The following SPOCK3 variants were observed in gnomAD, a reference collection of about 807,000 sequenced individuals.
SPOCK3 encodes testican-3.
SPOCK3 carries 30 observed loss-of-function variants against 56.6 expected under a neutral mutation model. That is an observed-to-expected ratio of 0.53 (90% CI 0.40 to 0.72). SPOCK3 has a LOEUF of 0.72. Ranked by LOEUF, SPOCK3 falls within the 30% of genes least tolerant of loss-of-function variation. The probability of loss-of-function intolerance (pLI) is 0.00; values close to 1 mark genes in which losing one functional copy is unlikely to be tolerated. For missense variants in SPOCK3, 527 were observed against 530.0 expected, an observed-to-expected ratio of 0.99 and a Z score of 0.06; for synonymous variants, 196 against 183.3, an observed-to-expected ratio of 1.07 and a Z score of -0.56.
At chr4:166,983,056 T>C (rs1163272244) in intron 4 of SPOCK3, among the ~76,000 whole-genome samples, 2 of 152,176 alleles carry the variant, frequency 1.3e-5, no homozygotes, top group Non-Finnish European at 2.9e-5. Context: ...CTATATACTA[T>C]ATAAAATGTA....
At chr4:167,171,030 T>G (rs905377527) in intron 2 of SPOCK3, among the ~76,000 whole-genome samples, 2 of 152,000 alleles carry the variant, frequency 1.3e-5, no homozygotes, top group Non-Finnish European at 2.9e-5. Flanking sequence ...AAGCAGAAAT[T>G]ATCAAGAGGA....
chr4:166,967,837 C>G (rs968350164), intron 4 of SPOCK3, among the ~76,000 whole-genome samples: 4 of 152,094 alleles, frequency 2.6e-5, no homozygotes, highest in Non-Finnish European at 5.9e-5. Context: ...CAAAAAAAGA[C>G]AGAAAGGTGA....
chr4:167,153,598 T>C (rs1764583532), intron 2 of SPOCK3, among the ~76,000 whole-genome samples: 2 of 152,306 alleles, frequency 1.3e-5, no homozygotes, highest in East Asian at 1.9e-4. Context: ...TTTATTACCA[T>C]AGAAAGTTTT....
chr4:167,154,570 T>A (rs889471076), intron 2 of SPOCK3, among the ~76,000 whole-genome samples: 55 of 152,130 alleles, frequency 3.6e-4, no homozygotes, highest in African/African-American at 1.0e-3. Flanking sequence ...AGAAATTACC[T>A]CAATAGAAAT....
intron 2 of SPOCK3, among the ~76,000 whole-genome samples, chr4:167,164,015 A>T (rs1765544308): frequency 1.3e-5 from 2 of 152,082 alleles, no homozygotes. Context: ...TTATTTGAGG[A>T]CCTGGAATAA....
chr4:166,957,616 T>C (rs748352589), intron 4 of SPOCK3, among the ~76,000 whole-genome samples: 1 of 152,212 alleles, frequency 6.6e-6, no homozygotes, highest in Admixed American at 6.5e-5. Context: ...ATGCATCACT[T>C]ACTATAAGCT....
chr4:166,990,900 C>T (rs75457781), intron 4 of SPOCK3, among the ~76,000 whole-genome samples: 16,072 of 152,074 alleles, frequency 0.11, 1,121 homozygotes, highest in Middle Eastern at 0.22. Context: ...AAGAAATACT[C>T]ATTTAATGAA....
At chr4:167,044,405 T>C (rs2150207282) in intron 3 of SPOCK3, among the ~76,000 whole-genome samples, 1 of 148,646 alleles carries the variant, frequency 6.7e-6, no homozygotes, top group Admixed American at 6.8e-5. Flanking sequence ...TTGTTGTCTA[T>C]TGATTTCCTT....
chr4:167,184,000 A>T (rs376637732), intron 2 of SPOCK3, among the ~76,000 whole-genome samples: 7 of 152,336 alleles, frequency 4.6e-5, no homozygotes, highest in African/African-American at 1.2e-4. Context: ...ATGAGTTACC[A>T]AGATGCTAAT....
At chr4:167,198,328 C>A (rs1733170310) in intron 2 of SPOCK3, among the ~76,000 whole-genome samples, 1 of 152,202 alleles carries the variant, frequency 6.6e-6, no homozygotes, top group South Asian at 2.1e-4. Context: ...ATGGCTATGG[C>A]CCTGCTAGAT....
chr4:167,057,908 A>G (rs1226626963), intron 3 of SPOCK3, among the ~76,000 whole-genome samples: 4 of 152,206 alleles, frequency 2.6e-5, no homozygotes, highest in African/African-American at 9.6e-5. Flanking sequence ...GATACCCAGG[A>G]GTTAAACTCA....
At chr4:166,844,246 T>C (rs527307595) in intron 6 of SPOCK3, among the ~76,000 whole-genome samples, 1 of 152,354 alleles carries the variant, frequency 6.6e-6, no homozygotes, top group East Asian at 1.9e-4. Flanking sequence ...ACTCGACTTA[T>C]ATTAACCACT....
chr4:167,145,387 A>G (rs1219540731), intron 2 of SPOCK3, among the ~76,000 whole-genome samples: 1 of 152,088 alleles, frequency 6.6e-6, no homozygotes. Context: ...TGAAGTTATA[A>G]ACATGGGAAG....
chr4:167,105,463 T>TAAAAAAAAAAAAAAAAAAAAAAAATA (rs552028589), intron 2 of SPOCK3, among the ~76,000 whole-genome samples: 1 of 98,688 alleles, frequency 1.0e-5, no homozygotes, highest in African/African-American at 4.2e-5. Flanking sequence ...ACACAAAAAT[T>TAAAAAAAAAAAAAAAAAAAAAAAATA]AAAAAAAAAA....
chr4:166,833,120 T>G (rs947677546), intron 6 of SPOCK3, among the ~76,000 whole-genome samples: 2 of 152,238 alleles, frequency 1.3e-5, no homozygotes, highest in Non-Finnish European at 2.9e-5. Context: ...TCTTTTTAAT[T>G]TCACTTGTGA....
chr4:167,116,688 CACATATAGT>C (rs1211286533), intron 2 of SPOCK3, among the ~76,000 whole-genome samples: 3 of 123,126 alleles, frequency 2.4e-5, no homozygotes, highest in Non-Finnish European at 3.3e-5. Context: ...TATATATACA[CACATATAGT>C]ATATATACGT....
intron 4 of SPOCK3, among the ~76,000 whole-genome samples, chr4:166,969,169 A>T (rs1353930454): frequency 6.6e-6 from 1 of 152,152 alleles, no homozygotes; most frequent in Non-Finnish European, 1.5e-5. Context: ...TAAATTTTTA[A>T]GTTCATAGAC....
At chr4:167,083,654 A>G (rs1757921026) in intron 2 of SPOCK3, among the ~76,000 whole-genome samples, 1 of 152,164 alleles carries the variant, frequency 6.6e-6, no homozygotes, top group South Asian at 2.1e-4. Context: ...ACTAGGTTAT[A>G]TCATTCAGCA....
intron 2 of SPOCK3, among the ~76,000 whole-genome samples, chr4:167,199,781 T>C (rs966048311): frequency 6.7e-6 from 1 of 149,238 alleles, no homozygotes; most frequent in African/African-American, 2.4e-5. Flanking sequence ...CTCTGGGTAA[T>C]GAAATCATAG....
Sources: gnomAD v4.1 joint callset for allele counts (sites outside exome capture counted in the v4.1 genomes callset) on GRCh38, gnomAD v4.1.1 for gene constraint, MANE v1.5 for transcripts, NCBI Gene and HGNC (gene_info 2026-07-23, HGNC 2026-07-21) for gene names.